Variants in PRKN observed in about 807,000 individuals in gnomAD.
PRKN encodes parkin RBR E3 ubiquitin protein ligase.
Under a neutral mutation model 59.5 loss-of-function variants are expected in PRKN, and 56 were observed. The ratio of observed to expected loss-of-function variants is 0.94; its 90% CI spans 0.76 to 1.18. PRKN has a LOEUF of 1.18. Among genes scored for constraint, PRKN ranks in the 50% most tolerant of loss-of-function variants. PRKN has a pLI of 0.00. For synonymous variants in PRKN, 250 were observed against 222.1 expected, an observed-to-expected ratio of 1.13 and a Z score of -1.12; for missense variants, 657 against 596.4, an observed-to-expected ratio of 1.10 and a Z score of -1.06.
At chr6:162,312,807 C>A (rs142776288) in intron 2 of PRKN, among the ~76,000 whole-genome samples, 1 of 152,154 alleles carries the variant, frequency 6.6e-6, no homozygotes, top group African/African-American at 2.4e-5. Flanking sequence ...TCAGAAGATT[C>A]AAGGATTTCC....
At chr6:162,247,272 A>G (rs563295019) in intron 3 of PRKN, among the ~76,000 whole-genome samples, 2 of 152,296 alleles carry the variant, frequency 1.3e-5, no homozygotes, top group African/African-American at 4.8e-5. Flanking sequence ...AGAAAAATAC[A>G]ACGATTTATC....
intron 6 of PRKN, among the ~76,000 whole-genome samples, chr6:161,840,724 T>C (rs1337169735): frequency 6.6e-6 from 1 of 152,112 alleles, no homozygotes; most frequent in Non-Finnish European, 1.5e-5. Context: ...TCTGTCCCTG[T>C]TTTAGTTTGC....
At chr6:161,684,792 GA>G (rs71716386) in intron 7 of PRKN, among the ~76,000 whole-genome samples, 3,822 of 136,246 alleles carry the variant, frequency 0.028, 141 homozygotes, top group African/African-American at 0.083. Flanking sequence ...TTTTTAAAAG[GA>G]AAAAAAAAAA....
At chr6:161,450,983 T>C (rs909910461) in intron 9 of PRKN, among the ~76,000 whole-genome samples, 5 of 152,168 alleles carry the variant, frequency 3.3e-5, no homozygotes, top group African/African-American at 4.8e-5. Context: ...ATGAATGATA[T>C]GAAAGTCAAA....
Position 161,355,376 on chromosome 6 carries a change from T to C in PRKN, c.1285+4712A>G, listed in dbSNP as rs62435871. ...GGTTTATGTGTATATCTCTAAACTT[T>C]ACAAGCTAAGTTTTTGTGTGTTTGT... On this transcript the variant is annotated intron_variant, in intron 11 of 11. Transcript: ENST00000366898. The surrounding 1 kb of genome is among the most constrained non-coding windows in gnomAD (Gnocchi z 6.8). Among the ~76,000 whole-genome samples, 31,607 of 152,230 alleles carry C rather than the reference T, an allele frequency of 0.21. 3,813 individuals are homozygous for C. The highest frequency in any genetic ancestry group is 0.34 in the African/African-American group (14,227 of 41,502).
At chr6:161,609,281 T>C (rs1036608347) in intron 7 of PRKN, among the ~76,000 whole-genome samples, 4 of 152,248 alleles carry the variant, frequency 2.6e-5, no homozygotes, top group African/African-American at 9.6e-5. Flanking sequence ...AAGTGTCTCA[T>C]ATATTTCTAC....
rs1790400824 is a variant in PRKN, at chr6:161,785,919, A to G, written c.735-11T>C. 5 of 1,613,902 alleles carry G rather than the reference A, an allele frequency of 3.1e-6. No homozygotes were observed. The highest frequency in any genetic ancestry group is 4.2e-6 in the Non-Finnish European group (5 of 1,179,882). On this transcript the variant is annotated splice_polypyrimidine_tract_variant and intron_variant, in intron 6 of 11. Transcript: ENST00000366898. ...ACCAGGACGGGGCTCCTGCAGAGAGAAAGGAAGATGTTTCCTCTAGTACCT... is the reference window on the plus strand; with the variant it reads ...ACCAGGACGGGGCTCCTGCAGAGAGGAAGGAAGATGTTTCCTCTAGTACCT...
intron 7 of PRKN, among the ~76,000 whole-genome samples, chr6:161,758,631 C>T (rs1583116013): frequency 6.6e-6 from 1 of 152,220 alleles, no homozygotes; most frequent in African/African-American, 2.4e-5. Context: ...TCAAATGGTA[C>T]ATTTTAAATA....
intron 7 of PRKN, among the ~76,000 whole-genome samples, chr6:161,607,519 G>A (rs183256752): frequency 4.6e-5 from 7 of 151,962 alleles, no homozygotes; most frequent in East Asian, 1.9e-4. Context: ...AAAAAGAAGC[G>A]GTCTTAAATA....
intron 4 of PRKN, among the ~76,000 whole-genome samples, chr6:162,155,103 T>TAAA (rs5881453): frequency 0.45 from 60,958 of 135,698 alleles, 14,938 homozygotes; most frequent in Non-Finnish European, 0.61. Flanking sequence ...AAATAAAACC[T>TAAA]AAAAAAAAAA....
chr6:162,365,786 C>G (rs532973798), intron 2 of PRKN, among the ~76,000 whole-genome samples: 5 of 152,266 alleles, frequency 3.3e-5, no homozygotes, highest in African/African-American at 1.2e-4. Flanking sequence ...ACCCATCACC[C>G]TCTGGAATAA....
intron 6 of PRKN, among the ~76,000 whole-genome samples, chr6:161,874,034 A>AAATATATATTATATGTAAAATAT (rs1794472645): frequency 5.4e-5 from 2 of 37,266 alleles, no homozygotes; most frequent in Non-Finnish European, 7.4e-5. Context: ...AATATATATA[A>AAATATATATTATATGTAAAATAT]AATATATATT....
intron 3 of PRKN, among the ~76,000 whole-genome samples, chr6:162,252,682 C>T (rs995607804): frequency 2.4e-4 from 36 of 152,306 alleles, no homozygotes; most frequent in African/African-American, 8.4e-4. Context: ...AAGCAGCCTT[C>T]GGCTGACATC....
intron 1 of PRKN, among the ~76,000 whole-genome samples, chr6:162,510,721 A>C (rs1777567309): frequency 6.6e-6 from 1 of 152,186 alleles, no homozygotes; most frequent in Non-Finnish European, 1.5e-5. Context: ...CAAGAGTTCA[A>C]GACCAGCCTG....
intron 7 of PRKN, among the ~76,000 whole-genome samples, chr6:161,722,311 A>T (rs1431402645): frequency 1.3e-5 from 2 of 152,206 alleles, no homozygotes; most frequent in Non-Finnish European, 2.9e-5. Flanking sequence ...TAATGTATAC[A>T]TTATTTTACA....
intron 6 of PRKN, among the ~76,000 whole-genome samples, chr6:161,881,537 C>A (rs966027941): frequency 1.3e-5 from 2 of 152,132 alleles, no homozygotes. Context: ...CTCCTGCACT[C>A]GGTAAGGGGC....
Position 162,696,101 on chromosome 6 carries a change from G to A in PRKN, c.7+31561C>T, listed in dbSNP as rs2156256. ...AATCCTATAAACAAATTGGTAACAGGAAACATACTAAAAAAGAGAGAGAAA... is the reference window on the plus strand; with the variant it reads ...AATCCTATAAACAAATTGGTAACAGAAAACATACTAAAAAAGAGAGAGAAA... On this transcript the variant is annotated intron_variant, in intron 1 of 11. Coordinates refer to ENST00000366898, the MANE Select transcript of PRKN (RefSeq NM_004562.3). Among the ~76,000 whole-genome samples the A allele has an allele frequency of 6.5e-4, 98 of 151,786 alleles. No individual in the cohort carries two copies. The East Asian group carries it at 0.018, about 29-fold the overall frequency.
chr6:162,468,744 G>A (rs1008605909), intron 1 of PRKN, among the ~76,000 whole-genome samples: 1 of 152,176 alleles, frequency 6.6e-6, no homozygotes, highest in African/African-American at 2.4e-5. Flanking sequence ...AAATAATTAA[G>A]TGTGGTCTCT....
At chr6:161,811,968 G>A (rs1341306675) in intron 6 of PRKN, among the ~76,000 whole-genome samples, 1 of 151,358 alleles carries the variant, frequency 6.6e-6, no homozygotes, top group East Asian at 1.9e-4. Context: ...AATCTAGAAG[G>A]AAAAATATAA....
Sources: allele counts gnomAD v4.1 joint callset (sites outside exome capture counted in the v4.1 genomes callset), GRCh38; gene constraint gnomAD v4.1.1; non-coding constraint Gnocchi (gnomAD v3.1); transcripts MANE v1.5; gene names NCBI Gene and HGNC (gene_info 2026-07-23, HGNC 2026-07-21).